ANO4: variants seen among roughly 807,000 people sequenced by gnomAD.
ANO4 encodes the protein anoctamin-4.
A neutral mutation model predicts 141.9 loss-of-function variants in ANO4; 69 were observed. The observed-to-expected ratio is 0.49, with a 90% confidence interval of 0.40 to 0.59. The LOEUF (loss-of-function observed/expected upper bound fraction) is 0.59. Among genes scored for constraint, ANO4 ranks in the 20% least tolerant of loss-of-function variants. The probability of loss-of-function intolerance (pLI) is 0.00; values close to 1 mark genes in which losing one functional copy is unlikely to be tolerated. For missense variants in ANO4, 894 were observed against 1,162.2 expected, an observed-to-expected ratio of 0.77 and a Z score of 3.36; for synonymous variants, 350 against 394.3, an observed-to-expected ratio of 0.89 and a Z score of 1.33.
At chr12:101,063,690 G>T (rs2048441307) in intron 14 of ANO4, among the ~76,000 whole-genome samples, 1 of 143,774 alleles carries the variant, frequency 7.0e-6, no homozygotes, top group African/African-American at 2.6e-5. Context: ...TTCTTTGCAG[G>T]AAGGCTTTTA....
exon 3 of ANO4, chr12:100,740,066 A>G: frequency 1.4e-6 from 1 of 702,590 alleles, no homozygotes; most frequent in South Asian, 1.5e-5. Flanking sequence ...GCCTTCTTAC[A>G]GCAGTAGCAG....
intron 1 of ANO4, among the ~76,000 whole-genome samples, chr12:100,843,252 C>T (rs1229757013): frequency 6.6e-6 from 1 of 152,140 alleles, no homozygotes; most frequent in Admixed American, 6.6e-5. Flanking sequence ...TAGTGGTTAC[C>T]ATAATCATTA....
rs559978977 is a variant in ANO4, at chr12:100,849,707, A to G, written c.-140-51939A>G. Among the ~76,000 whole-genome samples the G allele has an allele frequency of 6.6e-5, 10 of 152,292 alleles. No individual in the cohort carries two copies. The South Asian group carries it at 1.9e-3, about 28-fold the overall frequency. On this transcript the variant is annotated intron_variant, in intron 1 of 27. Coordinates refer to ENST00000392977, the MANE Select transcript of ANO4 (RefSeq NM_001286615.2). Reference sequence around the variant, plus strand: ...TATCTGTGAATTCATTTTTTCACCCATGTCATTTTGCGCATGCACATGTAT... The same window carrying G: ...TATCTGTGAATTCATTTTTTCACCCGTGTCATTTTGCGCATGCACATGTAT...
At chr12:100,944,727 T>C (rs1348843888) in intron 5 of ANO4, among the ~76,000 whole-genome samples, 4 of 152,168 alleles carry the variant, frequency 2.6e-5, no homozygotes, top group African/African-American at 4.8e-5. Context: ...CTCAGTCAGC[T>C]CAGCAAGAAA....
chr12:101,040,005 C>A lies in ANO4; in HGVS notation c.948C>A (p.His316Gln), dbSNP rs1291015277. ...TTCGAACCCATGGAGCAGAAAACCACCGACATCTACTCTATGAGTGCTGGG... is the reference window on the plus strand; with the variant it reads ...TTCGAACCCATGGAGCAGAAAACCAACGACATCTACTCTATGAGTGCTGGG... Reference protein sequence around the residue: ...NSIRTHGAENHRHLLYECWAS... With the variant: ...NSIRTHGAENQRHLLYECWAS... Residue 316 changes from histidine (H) to glutamine (Q), a missense_variant, in exon 11 of 28, where the codon CAC (histidine) becomes CAA (glutamine). Coordinates refer to ENST00000392977, the MANE Select transcript of ANO4 (RefSeq NM_001286615.2). 1.2e-6 allele frequency: 2 copies of A among 1,613,630 alleles called. No individual in the cohort carries two copies. Among genetic ancestry groups the A allele is most frequent in the Non-Finnish European group, 1.7e-6 (2 of 1,179,592 alleles).
At chr12:101,011,328 T>C (rs1013735839) in intron 8 of ANO4, among the ~76,000 whole-genome samples, 2 of 150,942 alleles carry the variant, frequency 1.3e-5, no homozygotes. Flanking sequence ...CTTTTTTTTT[T>C]TTTTTTTGCA....
rs532935560 is a variant in ANO4, at chr12:100,988,369, C to T, written c.734+699C>T. Among the ~76,000 whole-genome samples the T allele has an allele frequency of 1.8e-4, 27 of 151,984 alleles. No homozygotes were observed. The South Asian group carries it at 4.8e-3, about 27-fold the overall frequency. On this transcript the variant is annotated intron_variant, in intron 8 of 27. Transcript: ENST00000392977. Reference sequence around the variant, plus strand: ...CAGGCAGGAGGACAGAAAAGCCTGCCGTGTGCTGGAGACTGTAAACAATAG... The same window carrying T: ...CAGGCAGGAGGACAGAAAAGCCTGCTGTGTGCTGGAGACTGTAAACAATAG...
chr12:101,037,677 G>A (rs560971882), intron 10 of ANO4, among the ~76,000 whole-genome samples: 4 of 152,092 alleles, frequency 2.6e-5, no homozygotes, highest in South Asian at 2.1e-4. Context: ...AATTACTTTC[G>A]CAAGTGTAAC....
At chr12:101,061,137 G>A (rs1010908113) in intron 14 of ANO4, among the ~76,000 whole-genome samples, 1 of 152,122 alleles carries the variant, frequency 6.6e-6, no homozygotes, top group Non-Finnish European at 1.5e-5. Flanking sequence ...CTACGCTTAC[G>A]AAGCTTAGTT....
At chr12:100,843,802 G>A (rs1324375941) in intron 1 of ANO4, among the ~76,000 whole-genome samples, 1 of 152,160 alleles carries the variant, frequency 6.6e-6, no homozygotes, top group Non-Finnish European at 1.5e-5. Context: ...GAGTGATTGT[G>A]GGAGTTTGGA....
intron 5 of ANO4, among the ~76,000 whole-genome samples, chr12:100,947,904 C>CT (rs1480640901): frequency 6.6e-6 from 1 of 152,052 alleles, no homozygotes; most frequent in Non-Finnish European, 1.5e-5. Flanking sequence ...TTAGGAGAGG[C>CT]AGGGCATGGT....
chr12:101,125,869 C>T (rs2051293943), intron 26 of ANO4, among the ~76,000 whole-genome samples: 1 of 152,014 alleles, frequency 6.6e-6, no homozygotes, highest in Non-Finnish European at 1.5e-5. Flanking sequence ...TGTCTCTCTG[C>T]CAGGTTTTGG....
At chr12:101,124,425 T>C (rs2051223923) in intron 26 of ANO4, among the ~76,000 whole-genome samples, 1 of 152,220 alleles carries the variant, frequency 6.6e-6, no homozygotes. Flanking sequence ...AGGTTACTGT[T>C]TGCTCTGATG....
At chr12:101,058,689 T>G (rs1210644436) in intron 14 of ANO4, among the ~76,000 whole-genome samples, 2 of 152,184 alleles carry the variant, frequency 1.3e-5, no homozygotes, top group African/African-American at 2.4e-5. Context: ...ATAAGAATGC[T>G]TGTGATTTTT....
intron 1 of ANO4, among the ~76,000 whole-genome samples, chr12:100,841,203 T>C (rs914076551): frequency 2.0e-5 from 3 of 152,204 alleles, no homozygotes; most frequent in African/African-American, 7.2e-5. Flanking sequence ...ACTGTCATAC[T>C]ACTAAAGCCT....
At chr12:101,018,509 C>G (rs566586854) in intron 8 of ANO4, among the ~76,000 whole-genome samples, 1 of 152,244 alleles carries the variant, frequency 6.6e-6, no homozygotes, top group Non-Finnish European at 1.5e-5. Context: ...TCTGTTATCC[C>G]AAAGTCACAT....
chr12:101,010,061 C>T (rs2046021528), intron 8 of ANO4, among the ~76,000 whole-genome samples: 1 of 152,064 alleles, frequency 6.6e-6, no homozygotes, highest in Non-Finnish European at 1.5e-5. Flanking sequence ...GTTTAGCATT[C>T]AGTTTTTTCT....
chr12:101,125,592 G>A (rs1030016456), intron 26 of ANO4, among the ~76,000 whole-genome samples: 1 of 152,050 alleles, frequency 6.6e-6, no homozygotes, highest in Non-Finnish European at 1.5e-5. Context: ...ATGAAGGGAT[G>A]TTGGATTGTT....
At position 101,017,846 on chromosome 12, in the gene ANO4, C is replaced by A. The variant is rs1324885298; in HGVS notation, c.735-2188C>A. ...TGAGACTGTTTAGAATAGTGTCTGGCACATGCCCTGTGTGTGTATTCCTCT... is the reference window on the plus strand; with the variant it reads ...TGAGACTGTTTAGAATAGTGTCTGGAACATGCCCTGTGTGTGTATTCCTCT... On this transcript the variant is annotated intron_variant, in intron 8 of 27. Transcript: ENST00000392977. 2.0e-5 allele frequency among the ~76,000 whole-genome samples: 3 copies of A among 152,316 alleles called. No homozygotes were observed. In the South Asian group the frequency reaches 6.2e-4, roughly 32 times the overall value.
Sources: allele counts gnomAD v4.1 joint callset (sites outside exome capture counted in the v4.1 genomes callset), GRCh38; gene constraint gnomAD v4.1.1; transcripts MANE v1.5; gene names NCBI Gene and HGNC (gene_info 2026-07-23, HGNC 2026-07-21).